SETD3: variants seen among roughly 807,000 people sequenced by gnomAD.
The protein encoded by SETD3 is actin-histidine N-methyltransferase.
A neutral mutation model predicts 63.0 loss-of-function variants in SETD3; 19 were observed. The observed-to-expected ratio is 0.30, with a 90% CI of 0.21 to 0.44. The LOEUF (loss-of-function observed/expected upper bound fraction) is 0.44, where lower values mean the gene tolerates loss of function less well. Ranked by LOEUF, SETD3 falls within the 20% of genes least tolerant of loss-of-function variation. The pLI is 1.00. For missense variants in SETD3, 587 were observed against 728.5 expected (o/e 0.81, Z 2.24); for synonymous variants, 286 against 264.1 (o/e 1.08, Z -0.80).
intron 6 of SETD3, among the ~76,000 whole-genome samples, chr14:99,423,733 A>C (rs997204985): frequency 1.1e-4 from 17 of 152,098 alleles, no homozygotes; most frequent in Non-Finnish European, 2.1e-4. Context: ...TCTGTCTTAA[A>C]CTGAACAGGG....
At position 99,451,830 on chromosome 14, in the gene SETD3, G is replaced by A. The variant is rs147406950; in HGVS notation, c.675+6449C>T. On this transcript the variant is annotated intron_variant, in intron 6 of 12. Coordinates refer to ENST00000331768, the MANE Select transcript of SETD3 (RefSeq NM_032233.3). Reference sequence around the variant, plus strand: ...CCCAGGTGCTGTATCTTAATACAACGAATGCTCTCAAAATTCCTGCAGCGT... The same window carrying A: ...CCCAGGTGCTGTATCTTAATACAACAAATGCTCTCAAAATTCCTGCAGCGT... 9.2e-5 allele frequency among the ~76,000 whole-genome samples: 14 copies of A among 151,952 alleles called. No homozygotes were observed. The East Asian group carries it at 1.6e-3, about 17-fold the overall frequency.
At chr14:99,430,098 G>C (rs1269641840) in intron 6 of SETD3, among the ~76,000 whole-genome samples, 1 of 152,226 alleles carries the variant, frequency 6.6e-6, no homozygotes, top group African/African-American at 2.4e-5. Context: ...TTTTCAGTAA[G>C]TTTCCCAGGT....
At chr14:99,471,574 G>A (rs1270807996) in intron 1 of SETD3, among the ~76,000 whole-genome samples, 2 of 152,224 alleles carry the variant, frequency 1.3e-5, no homozygotes, top group Non-Finnish European at 2.9e-5. Context: ...GTTCGAGGCT[G>A]CAGCGAGCTA....
chr14:99,439,063 G>A (rs1050628795), intron 6 of SETD3, among the ~76,000 whole-genome samples: 5 of 152,238 alleles, frequency 3.3e-5, no homozygotes, highest in African/African-American at 7.2e-5. Flanking sequence ...GCTTCAGCAC[G>A]TATCACACAA....
At chr14:99,452,095 T>C (rs1007705853) in intron 6 of SETD3, among the ~76,000 whole-genome samples, 2 of 152,110 alleles carry the variant, frequency 1.3e-5, no homozygotes, top group African/African-American at 4.8e-5. Flanking sequence ...CAGAAAGACT[T>C]TGTTTTTTGT....
chr14:99,442,557 G>C (rs1893884947), intron 6 of SETD3, among the ~76,000 whole-genome samples: 2 of 152,160 alleles, frequency 1.3e-5, no homozygotes, highest in African/African-American at 4.8e-5. Context: ...CTTACTCAAT[G>C]TCACAATGAC....
intron 1 of SETD3, among the ~76,000 whole-genome samples, chr14:99,467,769 T>C (rs1895470732): frequency 6.6e-6 from 1 of 152,182 alleles, no homozygotes; most frequent in Non-Finnish European, 1.5e-5. Flanking sequence ...TAACAGTAAG[T>C]GAGCCTGGGA....
intron 1 of SETD3, among the ~76,000 whole-genome samples, chr14:99,470,723 T>G (rs1411980156): frequency 6.6e-6 from 1 of 152,168 alleles, no homozygotes. Flanking sequence ...TACTATGAAC[T>G]TGGAACCATC....
chr14:99,445,952 T>C (rs1894104531), intron 6 of SETD3, among the ~76,000 whole-genome samples: 1 of 152,122 alleles, frequency 6.6e-6, no homozygotes, highest in Non-Finnish European at 1.5e-5. Context: ...TTGATCAGAC[T>C]CATAGGGAGG....
At chr14:99,445,435 G>A (rs570154211) in intron 6 of SETD3, among the ~76,000 whole-genome samples, 1 of 152,324 alleles carries the variant, frequency 6.6e-6, no homozygotes, top group Admixed American at 6.5e-5. Flanking sequence ...GCTGCTGAGA[G>A]GTCCCAGACT....
chr14:99,410,088 T>C, intron 8 of SETD3: 1 of 863,536 alleles, frequency 1.2e-6, no homozygotes, highest in Admixed American at 1.9e-5. Flanking sequence ...GCTGGAGGCG[T>C]AGTCATTCCA....
intron 6 of SETD3, among the ~76,000 whole-genome samples, chr14:99,440,606 C>T (rs537202831): frequency 1.3e-5 from 2 of 151,894 alleles, no homozygotes; most frequent in South Asian, 4.1e-4. Flanking sequence ...AGGAGTGGAA[C>T]GTGGCAATGG....
At chr14:99,454,657 G>A (rs140499235) in intron 6 of SETD3, among the ~76,000 whole-genome samples, 7 of 152,312 alleles carry the variant, frequency 4.6e-5, no homozygotes, top group African/African-American at 1.7e-4. Context: ...AGGGCCTCAC[G>A]TGGATCAACT....
At chr14:99,401,800 C>A (rs538511461) in intron 11 of SETD3, among the ~76,000 whole-genome samples, 1 of 152,308 alleles carries the variant, frequency 6.6e-6, no homozygotes, top group Non-Finnish European at 1.5e-5. Context: ...CTTCCCTCAT[C>A]TCCTTCCTCA....
At chr14:99,407,750 G>GC (rs1322982518) in intron 8 of SETD3, among the ~76,000 whole-genome samples, 2 of 152,040 alleles carry the variant, frequency 1.3e-5, no homozygotes, top group Non-Finnish European at 2.9e-5. Context: ...CACTCCCACA[G>GC]CCCAGTCCTT....
At chr14:99,413,209 A>G (rs1225731574) in intron 7 of SETD3, 144 bp from the exon 8 acceptor site, 9 of 600,176 alleles carry the variant, frequency 1.5e-5, no homozygotes, top group Non-Finnish European at 2.7e-5. Context: ...TTTGGCCTTC[A>G]TCATCATTTA....
chr14:99,417,351 T>C (rs1892340151), intron 6 of SETD3, among the ~76,000 whole-genome samples: 5 of 152,222 alleles, frequency 3.3e-5, no homozygotes, highest in African/African-American at 1.2e-4. Context: ...TCGATATCTC[T>C]GGAAAGAAAA....
At chr14:99,419,078 C>T (rs1326416078) in intron 6 of SETD3, among the ~76,000 whole-genome samples, 1 of 152,148 alleles carries the variant, frequency 6.6e-6, no homozygotes, top group African/African-American at 2.4e-5. Flanking sequence ...AGAATCAAAA[C>T]ATGGTTCACA....
At chr14:99,474,934 C>A (rs943482784) in intron 1 of SETD3, among the ~76,000 whole-genome samples, 5 of 151,148 alleles carry the variant, frequency 3.3e-5, no homozygotes, top group African/African-American at 4.9e-5. Context: ...CTAAACATTT[C>A]TGACTGACTT....
Sources: gnomAD v4.1 joint callset for allele counts (sites outside exome capture counted in the v4.1 genomes callset) on GRCh38, gnomAD v4.1.1 for gene constraint, MANE v1.5 for transcripts, NCBI Gene and HGNC (gene_info 2026-07-23, HGNC 2026-07-21) for gene names.